CTNNA2: variants seen among roughly 807,000 people sequenced by gnomAD.
The protein encoded by CTNNA2 is catenin alpha 2, also known as catenin alpha-2.
CTNNA2 carries 42 observed loss-of-function variants against 101.0 expected under a neutral mutation model. The observed-to-expected ratio is 0.42, with a 90% CI of 0.32 to 0.54. CTNNA2 has a LOEUF of 0.54. Ranked by LOEUF, CTNNA2 falls within the 20% of genes least tolerant of loss-of-function variation. The pLI is 0.14. For missense variants in CTNNA2, 871 were observed against 1,223.1 expected, an observed-to-expected ratio of 0.71 and a Z score of 4.29; for synonymous variants, 450 against 456.4, an observed-to-expected ratio of 0.99 and a Z score of 0.18.
rs141029255 is a variant in CTNNA2, at chr2:80,208,289, C to T, written c.1057-184922C>T. ...TAGAAATAGGAGTGTTGAAAAATAA[C>T]CTAGTTGCCAATTTGGTTATGTGCA... On this transcript the variant is annotated intron_variant, in intron 7 of 18. Coordinates refer to ENST00000402739, the MANE Select transcript of CTNNA2 (RefSeq NM_001282597.3). 4.6e-5 allele frequency among the ~76,000 whole-genome samples: 7 copies of T among 152,174 alleles called. No individual in the cohort carries two copies. In the East Asian group the frequency reaches 1.2e-3, roughly 25 times the overall value.
intron 3 of CTNNA2, among the ~76,000 whole-genome samples, chr2:79,350,916 G>C (rs893666761): frequency 6.6e-5 from 10 of 152,056 alleles, no homozygotes; most frequent in Admixed American, 6.6e-4. Flanking sequence ...TAATATATTT[G>C]TTGGCCACTT....
chr2:80,157,618 G>T (rs761824448), intron 7 of CTNNA2, among the ~76,000 whole-genome samples: 2 of 151,970 alleles, frequency 1.3e-5, no homozygotes, highest in African/African-American at 4.8e-5. Flanking sequence ...AGCTGTTCTG[G>T]TGCTGTGTAC....
At chr2:80,500,963 G>A (rs1687837276) in intron 9 of CTNNA2, among the ~76,000 whole-genome samples, 2 of 152,164 alleles carry the variant, frequency 1.3e-5, no homozygotes, top group Non-Finnish European at 2.9e-5. Context: ...GGTAAGAGGA[G>A]TGAATGTCTA....
intron 7 of CTNNA2, among the ~76,000 whole-genome samples, chr2:80,192,434 T>C (rs1272846692): frequency 6.6e-6 from 1 of 152,236 alleles, no homozygotes; most frequent in Non-Finnish European, 1.5e-5. Flanking sequence ...CTTGATTTCT[T>C]GTCTTCCCTT....
chr2:80,552,371 C>A (rs891222421), intron 11 of CTNNA2, among the ~76,000 whole-genome samples: 6 of 152,038 alleles, frequency 3.9e-5, no homozygotes, highest in African/African-American at 1.4e-4. Flanking sequence ...CACAATAAAA[C>A]AAGACATGCC....
chr2:79,871,991 A>T (rs1272251472), intron 5 of CTNNA2, among the ~76,000 whole-genome samples: 2 of 152,242 alleles, frequency 1.3e-5, no homozygotes, highest in African/African-American at 2.4e-5. Flanking sequence ...AAAACAGTAG[A>T]ACAGAAGGAA....
At chr2:79,715,625 T>G (rs1367784341) in intron 2 of CTNNA2, among the ~76,000 whole-genome samples, 1 of 152,152 alleles carries the variant, frequency 6.6e-6, no homozygotes, top group Admixed American at 6.5e-5. Flanking sequence ...GGAACACTGA[T>G]GAGAAGCTAC....
intron 9 of CTNNA2, among the ~76,000 whole-genome samples, chr2:80,420,051 A>G (rs1043339311): frequency 6.7e-6 from 1 of 148,260 alleles, no homozygotes; most frequent in African/African-American, 2.6e-5. Context: ...AAAAAAAAAA[A>G]AAAAAAAAAA....
rs78616327 is a variant in CTNNA2 at position 80,153,136 on chromosome 2, C to T, written c.1057-240075C>T. On this transcript the variant is annotated intron_variant, in intron 7 of 18. Coordinates refer to ENST00000402739, the MANE Select transcript of CTNNA2 (RefSeq NM_001282597.3). ...TCACTGGTGCCACGGAAAGCGTTGC[C>T]ACTGATGCTTGTGCCGGGAAAGGCA... Among the ~76,000 whole-genome samples the T allele has an allele frequency of 7.9e-5, 12 of 152,320 alleles. No individual in the cohort carries two copies. The East Asian group carries it at 1.7e-3, about 22-fold the overall frequency.
intron 1 of CTNNA2, among the ~76,000 whole-genome samples, chr2:79,599,574 T>C (rs1339095327): frequency 6.6e-6 from 1 of 152,170 alleles, no homozygotes; most frequent in African/African-American, 2.4e-5. Flanking sequence ...CTAAATAGAA[T>C]TATATCTTTG....
intron 4 of CTNNA2, among the ~76,000 whole-genome samples, chr2:79,377,042 C>A (rs11126718): frequency 0.75 from 112,544 of 149,358 alleles, 42,653 homozygotes; most frequent in South Asian, 0.82. Flanking sequence ...CTAGTTCTAG[C>A]TCCCTGAGGA....
chr2:80,163,460 A>G (rs1425765833), intron 7 of CTNNA2, among the ~76,000 whole-genome samples: 2 of 152,118 alleles, frequency 1.3e-5, no homozygotes, highest in African/African-American at 4.8e-5. Flanking sequence ...TATTGTGGTC[A>G]GAGAACACAT....
intron 1 of CTNNA2, chr2:79,547,764 C>T (rs1193617227): frequency 6.6e-6 from 1 of 152,502 alleles, no homozygotes; most frequent in Non-Finnish European, 1.5e-5. Context: ...TCTAATGAAA[C>T]TACCACATGG....
intron 1 of CTNNA2, among the ~76,000 whole-genome samples, chr2:79,191,375 G>A (rs1262475096): frequency 6.6e-6 from 1 of 152,164 alleles, no homozygotes; most frequent in Non-Finnish European, 1.5e-5. Flanking sequence ...AAGGGCAACA[G>A]GGATGAGACA....
chr2:80,602,612 A>C (rs1697649349), intron 15 of CTNNA2, among the ~76,000 whole-genome samples: 1 of 152,100 alleles, frequency 6.6e-6, no homozygotes, highest in African/African-American at 2.4e-5. Flanking sequence ...TTCTGTATCC[A>C]AGTGTTCCTT....
intron 7 of CTNNA2, among the ~76,000 whole-genome samples, chr2:80,134,796 T>C (rs1289445983): frequency 6.6e-6 from 1 of 152,192 alleles, no homozygotes; most frequent in Non-Finnish European, 1.5e-5. Flanking sequence ...TTTACAGACA[T>C]TGTACAAAGA....
intron 14 of CTNNA2, among the ~76,000 whole-genome samples, chr2:80,588,872 C>T (rs1393261331): frequency 6.6e-6 from 1 of 152,142 alleles, no homozygotes; most frequent in Non-Finnish European, 1.5e-5. Flanking sequence ...GTTTAAAATT[C>T]CTATCCTTTC....
intron 17 of CTNNA2, among the ~76,000 whole-genome samples, chr2:80,610,179 C>G (rs1302294046): frequency 6.6e-6 from 1 of 151,628 alleles, no homozygotes; most frequent in Non-Finnish European, 1.5e-5. Context: ...ATGATTTATT[C>G]CAAGCTTGAT....
rs76768496 is a variant in CTNNA2 at position 80,487,849 on chromosome 2, A to G, written c.1291-57133A>G. On this transcript the variant is annotated intron_variant, in intron 9 of 18. Coordinates refer to ENST00000402739, the MANE Select transcript of CTNNA2 (RefSeq NM_001282597.3). ...AAACTAAGGCTCTTTCATCTACCCT[A>G]GAGTGGTTCCCTGTATAACAGACAC... 3.7e-4 allele frequency among the ~76,000 whole-genome samples: 57 copies of G among 152,334 alleles called. No homozygotes were observed. The East Asian group carries it at 0.011, about 28-fold the overall frequency.
Sources: gnomAD v4.1 joint callset for allele counts (sites outside exome capture counted in the v4.1 genomes callset) on GRCh38, gnomAD v4.1.1 for gene constraint, MANE v1.5 for transcripts, NCBI Gene and HGNC (gene_info 2026-07-23, HGNC 2026-07-21) for gene names.